SRFBP1: variants seen among roughly 807,000 people sequenced by gnomAD.
SRFBP1 encodes the protein serum response factor binding protein 1, also known as serum response factor-binding protein 1.
Under a neutral mutation model 45.5 loss-of-function variants are expected in SRFBP1, and 47 were observed. That is an observed-to-expected ratio of 1.03 (90% confidence interval 0.82 to 1.32). The LOEUF (loss-of-function observed/expected upper bound fraction) is 1.32, where lower values mean the gene tolerates loss of function less well. SRFBP1 is among the 40% of genes most tolerant of loss of function. SRFBP1 has a pLI of 0.00. For missense variants in SRFBP1, 621 were observed against 484.6 expected (o/e 1.28, Z -2.64); for synonymous variants, 203 against 166.3 (o/e 1.22, Z -1.70).
chr5:122,029,836 A>T (rs1176448876), downstream of SRFBP1, among the ~76,000 whole-genome samples: 1 of 152,180 alleles, frequency 6.6e-6, no homozygotes, highest in Non-Finnish European at 1.5e-5. Flanking sequence ...TGGATTTTTA[A>T]ATTAAGTCCT....
chr5:122,012,141 C>G (rs902532487), intron 4 of SRFBP1, among the ~76,000 whole-genome samples: 1 of 151,922 alleles, frequency 6.6e-6, no homozygotes, highest in Non-Finnish European at 1.5e-5. Context: ...GAAATCAAGC[C>G]TAGAAGGTTA....
At chr5:122,030,486 A>G (rs542929707), downstream of SRFBP1, among the ~76,000 whole-genome samples, 16 of 152,264 alleles carry the variant, frequency 1.1e-4, no homozygotes, top group East Asian at 1.9e-4. Context: ...GACCTGACCA[A>G]TGGTTAACTG....
chr5:122,038,942 T>C (rs1753732518), intron 2 of SRFBP1, among the ~76,000 whole-genome samples: 1 of 152,212 alleles, frequency 6.6e-6, no homozygotes, highest in African/African-American at 2.4e-5. Context: ...TCTCCATCAT[T>C]TATTTCAAAT....
downstream of SRFBP1, among the ~76,000 whole-genome samples, chr5:122,029,409 C>G (rs1432963586): frequency 6.6e-6 from 1 of 152,118 alleles, no homozygotes; most frequent in African/African-American, 2.4e-5. Flanking sequence ...TTACTCCTTT[C>G]TAGTGTTTAG....
downstream of SRFBP1, chr5:122,077,255 G>A (rs959950235): frequency 2.0e-4 from 308 of 1,551,992 alleles, no homozygotes; most frequent in Non-Finnish European, 2.6e-4. The surrounding 1 kb of genome is among the most constrained non-coding windows in gnomAD (Gnocchi z 4.9). Flanking sequence ...GATCGGATCT[G>A]CGAGGACCGG....
intron 1 of SRFBP1, among the ~76,000 whole-genome samples, chr5:121,965,936 C>A (rs1752054658): frequency 6.6e-6 from 1 of 152,070 alleles, no homozygotes; most frequent in African/African-American, 2.4e-5. Context: ...GCATTTTATT[C>A]TCTTTGTGCA....
Position 122,034,119 on chromosome 5 carries a change from C to T in SRFBP1, n.311+11712C>T, listed in dbSNP as rs191260654. On this transcript the variant is annotated intron_variant and non_coding_transcript_variant, in intron 2 of 2. Transcript: ENST00000504881. ...GATTAAAGGCGTGAACCACTGCGCC[C>T]GGCCTATTTTTAGCCTTTCTAAATA... Among the ~76,000 whole-genome samples the T allele has an allele frequency of 8.5e-5, 13 of 152,276 alleles. No individual in the cohort carries two copies. In the East Asian group the frequency reaches 1.3e-3, roughly 16 times the overall value.
At chr5:122,069,020 T>G (rs1435037895) in intron 2 of SRFBP1, among the ~76,000 whole-genome samples, 4 of 152,136 alleles carry the variant, frequency 2.6e-5, no homozygotes, top group Non-Finnish European at 5.9e-5. Flanking sequence ...TGTGGGCATG[T>G]TCAGAAGAAT....
chr5:122,077,840 T>C, downstream of SRFBP1: 1 of 1,548,944 alleles, frequency 6.5e-7, no homozygotes, highest in East Asian at 2.5e-5. This position sits in a 1 kb window ranked among gnomAD's most constrained non-coding sequence, Gnocchi z 4.9. Context: ...CCCGTTGTTC[T>C]CCCATTGGAT....
At chr5:122,008,088 G>A (rs1753014959) in intron 4 of SRFBP1, among the ~76,000 whole-genome samples, 1 of 152,140 alleles carries the variant, frequency 6.6e-6, no homozygotes, top group South Asian at 2.1e-4. Context: ...CTATCCTGGA[G>A]CCTGGGACCT....
intron 7 of SRFBP1, among the ~76,000 whole-genome samples, chr5:122,026,720 T>G (rs1753487959): frequency 6.6e-6 from 1 of 152,198 alleles, no homozygotes; most frequent in Non-Finnish European, 1.5e-5. Context: ...AATAAACATC[T>G]ACTTATAAGT....
downstream of SRFBP1, chr5:122,078,043 A>G: frequency 7.1e-7 from 1 of 1,406,714 alleles, no homozygotes; most frequent in East Asian, 2.8e-5. Context: ...GAAAATAAAA[A>G]CGGGGCTCAA....
At chr5:122,002,875 C>G (rs994218583) in intron 4 of SRFBP1, among the ~76,000 whole-genome samples, 3 of 152,146 alleles carry the variant, frequency 2.0e-5, no homozygotes, top group Non-Finnish European at 4.4e-5. Flanking sequence ...AAAAAAAGCA[C>G]TCTGATGCTA....
chr5:122,077,734 G>A (rs770237850), downstream of SRFBP1: 65 of 1,574,680 alleles, frequency 4.1e-5, no homozygotes, highest in Non-Finnish European at 5.3e-5. The surrounding 1 kb of genome is among the most constrained non-coding windows in gnomAD (Gnocchi z 4.9). Flanking sequence ...GGGGCTGCTG[G>A]GCGGAGGCGT....
chr5:122,077,968 G>C (rs570529743), downstream of SRFBP1: 3 of 1,464,694 alleles, frequency 2.0e-6, no homozygotes, highest in African/African-American at 3.0e-5. This position sits in a 1 kb window ranked among gnomAD's most constrained non-coding sequence, Gnocchi z 4.9. Context: ...GCAGGAGCAC[G>C]GTCCAGGCGA....
chr5:121,976,146 T>G (rs1057341045), intron 3 of SRFBP1, among the ~76,000 whole-genome samples: 2 of 152,042 alleles, frequency 1.3e-5, no homozygotes, highest in African/African-American at 4.8e-5. Context: ...CTATTTTAAT[T>G]GAGTTAAGTT....
chr5:121,999,418 C>G (rs1410220017), intron 4 of SRFBP1, among the ~76,000 whole-genome samples: 2 of 151,992 alleles, frequency 1.3e-5, no homozygotes, highest in African/African-American at 2.4e-5. Flanking sequence ...TTCATGTGCA[C>G]TTGAAGACAA....
At chr5:121,968,621 A>G (rs1346951069) in intron 1 of SRFBP1, among the ~76,000 whole-genome samples, 1 of 152,184 alleles carries the variant, frequency 6.6e-6, no homozygotes, top group Non-Finnish European at 1.5e-5. Flanking sequence ...AAATGATGCA[A>G]TGAATAATCT....
At position 122,020,687 on chromosome 5, in the gene SRFBP1, G is replaced by T; in HGVS notation, c.952G>T (p.Asp318Tyr). Residue 318 changes from aspartate to tyrosine, a missense_variant, in exon 6 of 8, where the codon GAT becomes TAT. Coordinates refer to ENST00000339397, the MANE Select transcript of SRFBP1 (RefSeq NM_152546.3). ...ACTAGAAAAAGTGTTTCTTAAAGAA[G>T]ATACAGGTGAAACTCATGGGGATAC... is the stretch of plus-strand genomic sequence containing the variant. ...KPLEKVFLKE[D>Y]TGETHGDTRN... The T allele has an allele frequency of 6.2e-7, 1 of 1,613,946 alleles. No homozygotes were observed. Among genetic ancestry groups the T allele is most frequent in the Non-Finnish European group, 8.5e-7 (1 of 1,179,948 alleles).
Sources: gnomAD v4.1 joint callset for allele counts (sites outside exome capture counted in the v4.1 genomes callset) on GRCh38, gnomAD v4.1.1 for gene constraint, Gnocchi (gnomAD v3.1) non-coding constraint, MANE v1.5 for transcripts, NCBI Gene and HGNC (gene_info 2026-07-23, HGNC 2026-07-21) for gene names.